Variants in TBX15 observed in about 807,000 individuals in gnomAD.
TBX15 encodes T-box transcription factor 15.
TBX15 carries 18 observed loss-of-function variants against 53.9 expected under a neutral mutation model. The observed-to-expected ratio is 0.33, with a 90% CI of 0.23 to 0.49. TBX15 has a LOEUF of 0.49. TBX15 is among the 20% of genes least tolerant of loss of function. The pLI is 0.98. For synonymous variants in TBX15, 295 were observed against 278.0 expected, an observed-to-expected ratio of 1.06 and a Z score of -0.61; for missense variants, 692 against 749.5, an observed-to-expected ratio of 0.92 and a Z score of 0.90.
chr1:118,912,749 G>C (rs1655063937), intron 6 of TBX15, among the ~76,000 whole-genome samples: 3 of 152,170 alleles, frequency 2.0e-5, no homozygotes, highest in Admixed American at 2.0e-4. Flanking sequence ...TTCCTCACTG[G>C]CTAAATTTTG....
At chr1:118,924,108 T>C (rs536964715) in intron 4 of TBX15, among the ~76,000 whole-genome samples, 72 of 152,364 alleles carry the variant, frequency 4.7e-4, no homozygotes, top group African/African-American at 1.7e-3. Flanking sequence ...TGGTTTTAGC[T>C]TATTCAATCT....
At chr1:118,969,282 A>G (rs920730693) in intron 1 of TBX15, among the ~76,000 whole-genome samples, 1 of 152,170 alleles carries the variant, frequency 6.6e-6, no homozygotes, top group Non-Finnish European at 1.5e-5. Context: ...CTGTGTGATT[A>G]TTATAGGGGT....
intron 3 of TBX15, among the ~76,000 whole-genome samples, 198 bp downstream of exon 3, chr1:118,926,312 T>C (rs1424014800): frequency 2.6e-5 from 4 of 152,232 alleles, no homozygotes; most frequent in African/African-American, 9.6e-5. Flanking sequence ...TCCCATTCTA[T>C]CCAGAGACAC....
rs1015607716 is a variant in TBX15 at position 118,987,579 on chromosome 1, C to A, written c.205+12G>T. On this transcript the variant is annotated intron_variant, in intron 1 of 7. Transcript: ENST00000369429. Reference sequence around the variant, plus strand: ...TCCGCCCGCCTCCCGCGGTCGGCTGCGACGCACTCACCCGGGTGAGGCTCC... The same window carrying A: ...TCCGCCCGCCTCCCGCGGTCGGCTGAGACGCACTCACCCGGGTGAGGCTCC... The A allele has an allele frequency of 6.5e-7, 1 of 1,541,820 alleles. No individual in the cohort carries two copies. The highest frequency in any genetic ancestry group is 8.7e-7 in the Non-Finnish European group (1 of 1,144,468).
intron 5 of TBX15, among the ~76,000 whole-genome samples, chr1:118,918,670 T>C (rs927999846): frequency 6.6e-6 from 1 of 152,200 alleles, no homozygotes; most frequent in Non-Finnish European, 1.5e-5. Flanking sequence ...GTTTGAATTA[T>C]AGAACACTGA....
chr1:118,899,725 G>A (rs1654558318), intron 6 of TBX15, among the ~76,000 whole-genome samples: 2 of 152,104 alleles, frequency 1.3e-5, no homozygotes, highest in Admixed American at 1.3e-4. Context: ...GAAAGGGCTT[G>A]GTCTCAAAAA....
At chr1:118,931,506 A>C in intron 2 of TBX15, 113 bp downstream of exon 2, 1 of 1,120,062 alleles carries the variant, frequency 8.9e-7, no homozygotes, top group Non-Finnish European at 1.3e-6. Context: ...AAGTGAGTGC[A>C]AGCTGCTTTG....
intron 1 of TBX15, among the ~76,000 whole-genome samples, chr1:118,959,381 G>T (rs1298478670): frequency 6.6e-6 from 1 of 152,198 alleles, no homozygotes; most frequent in Non-Finnish European, 1.5e-5. Flanking sequence ...GGTGTTCAAG[G>T]CTTCTGCAGC....
chr1:118,975,431 G>A (rs539094259), intron 1 of TBX15, among the ~76,000 whole-genome samples: 1 of 152,308 alleles, frequency 6.6e-6, no homozygotes, highest in East Asian at 1.9e-4. Flanking sequence ...GACAACGTGA[G>A]CAGCAAACAT....
chr1:118,916,268 G>A (rs1251447372), intron 5 of TBX15, among the ~76,000 whole-genome samples: 1 of 152,210 alleles, frequency 6.6e-6, no homozygotes, highest in African/African-American at 2.4e-5. Context: ...AAGCTTAGAC[G>A]AAGTAGGAAT....
At chr1:118,917,742 T>C (rs1655289715) in intron 5 of TBX15, among the ~76,000 whole-genome samples, 1 of 152,202 alleles carries the variant, frequency 6.6e-6, no homozygotes, top group Non-Finnish European at 1.5e-5. Context: ...CTCGTCCCTG[T>C]ACAATCTCTT....
intron 6 of TBX15, among the ~76,000 whole-genome samples, chr1:118,911,283 A>C (rs904430169): frequency 6.6e-6 from 1 of 152,232 alleles, no homozygotes; most frequent in African/African-American, 2.4e-5. Context: ...TTAACTGATA[A>C]AATTTCTGAT....
intron 1 of TBX15, among the ~76,000 whole-genome samples, chr1:118,939,687 T>TAA (rs143726028): frequency 2.0e-5 from 3 of 151,536 alleles, no homozygotes; most frequent in Non-Finnish European, 4.4e-5. Flanking sequence ...CCCCTAGATC[T>TAA]AAAATAAAAG....
intron 5 of TBX15, 64 bp downstream of exon 5, chr1:118,923,372 G>A: frequency 1.9e-6 from 3 of 1,597,578 alleles, no homozygotes; most frequent in Non-Finnish European, 2.6e-6. Context: ...TAATACCTAA[G>A]GAATCTTATG....
chr1:118,894,005 C>T (rs901702212), intron 7 of TBX15, among the ~76,000 whole-genome samples: 4 of 152,176 alleles, frequency 2.6e-5, no homozygotes, highest in African/African-American at 9.7e-5. Flanking sequence ...GATACTTGGC[C>T]TACTCTGGAT....
At chr1:118,904,434 C>G (rs1046524906) in intron 6 of TBX15, among the ~76,000 whole-genome samples, 1 of 152,104 alleles carries the variant, frequency 6.6e-6, no homozygotes, top group African/African-American at 2.4e-5. Flanking sequence ...GACCTCCCAG[C>G]AGAGGTGTGC....
intron 1 of TBX15, among the ~76,000 whole-genome samples, chr1:118,959,421 C>T (rs934154936): frequency 6.6e-6 from 1 of 152,158 alleles, no homozygotes; most frequent in African/African-American, 2.4e-5. Flanking sequence ...GTGTTTCAGG[C>T]CTGAGAGATG....
At chr1:118,937,474 A>C (rs766642167) in intron 1 of TBX15, among the ~76,000 whole-genome samples, 25 of 152,214 alleles carry the variant, frequency 1.6e-4, no homozygotes, top group Non-Finnish European at 3.2e-4. Context: ...AGGTAGTGAT[A>C]GTTCTGTCTT....
chr1:118,979,971 C>CGGGCCGAGGGGCCGAG (rs1553228471), intron 1 of TBX15, among the ~76,000 whole-genome samples: 1 of 152,178 alleles, frequency 6.6e-6, no homozygotes, highest in South Asian at 2.1e-4. Flanking sequence ...CCTCCAAGGC[C>CGGGCCGAGGGGCCGAG]GGGCCGAGGG....
Sources: allele counts gnomAD v4.1 joint callset (sites outside exome capture counted in the v4.1 genomes callset), GRCh38; gene constraint gnomAD v4.1.1; transcripts MANE v1.5; gene names NCBI Gene and HGNC (gene_info 2026-07-23, HGNC 2026-07-21).